Variants in MAN1A2 observed in about 807,000 individuals in gnomAD.
MAN1A2 encodes mannosyl-oligosaccharide 1,2-alpha-mannosidase IB.
A neutral mutation model predicts 75.7 loss-of-function variants in MAN1A2; 26 were observed. The observed-to-expected ratio is 0.34, with a 90% CI of 0.25 to 0.48. MAN1A2 has a LOEUF of 0.48. Among genes scored for constraint, MAN1A2 ranks in the 20% least tolerant of loss-of-function variants. The pLI is 0.99. For synonymous variants in MAN1A2, 247 were observed against 264.6 expected (o/e 0.93, Z 0.65); for missense variants, 562 against 775.5 (o/e 0.72, Z 3.27).
chr1:117,526,995 T>A lies in MAN1A2; in HGVS notation c.*4038T>A, dbSNP rs1652048956. On this transcript the variant is annotated 3_prime_UTR_variant, in exon 13 of 13. Transcript: ENST00000356554. The stretch of plus-strand genomic sequence containing the variant: ...CACAGATAATTTTTAATACTCTTTG[T>A]TAACAAACACAGTTGAAAACTGGTT... The A allele has an allele frequency of 6.7e-6, 1 of 149,510 alleles. No homozygotes were observed. The highest frequency in any genetic ancestry group is 1.5e-5 in the Non-Finnish European group (1 of 67,106). 9.3% of individuals were successfully genotyped at this position (149,510 alleles called of 1,614,324 possible).
intron 4 of MAN1A2, among the ~76,000 whole-genome samples, chr1:117,417,051 A>G (rs1281472803): frequency 1.3e-5 from 2 of 152,148 alleles, no homozygotes; most frequent in Non-Finnish European, 2.9e-5. Context: ...CCAGTCTTGT[A>G]TTGTCTTTTT....
intron 8 of MAN1A2, among the ~76,000 whole-genome samples, chr1:117,484,475 C>G (rs996502191): frequency 6.6e-6 from 1 of 151,928 alleles, no homozygotes; most frequent in Non-Finnish European, 1.5e-5. Flanking sequence ...TGAAGGTTTA[C>G]ACTACTGTGC....
intron 8 of MAN1A2, among the ~76,000 whole-genome samples, chr1:117,482,109 G>A (rs1362567107): frequency 2.0e-5 from 3 of 151,808 alleles, no homozygotes; most frequent in Non-Finnish European, 4.4e-5. Context: ...ATGTGCACAC[G>A]TGCAGGGTTT....
At chr1:117,461,804 G>C (rs2101836807) in intron 7 of MAN1A2, among the ~76,000 whole-genome samples, 1 of 152,126 alleles carries the variant, frequency 6.6e-6, no homozygotes, top group South Asian at 2.1e-4. Flanking sequence ...TCCCCAAATT[G>C]ATTTATAGCA....
At chr1:117,464,833 C>A (rs1328219805) in intron 7 of MAN1A2, among the ~76,000 whole-genome samples, 2 of 152,118 alleles carry the variant, frequency 1.3e-5, no homozygotes, top group African/African-American at 4.8e-5. Flanking sequence ...TATGTCTGGA[C>A]TCTTACCTGG....
chr1:117,395,713 T>C (rs958694258), intron 1 of MAN1A2, among the ~76,000 whole-genome samples: 10 of 152,214 alleles, frequency 6.6e-5, no homozygotes, highest in African/African-American at 2.4e-4. Flanking sequence ...AACTTGTAGA[T>C]ATAAAACTAG....
At chr1:117,371,332 A>G (rs1314155514) in intron 1 of MAN1A2, among the ~76,000 whole-genome samples, 5 of 152,320 alleles carry the variant, frequency 3.3e-5, no homozygotes, top group Admixed American at 1.3e-4. Context: ...CCCCGCTTTC[A>G]TGAAACTTTC....
chr1:117,386,674 C>T (rs1274972368), intron 1 of MAN1A2, among the ~76,000 whole-genome samples: 1 of 96,870 alleles, frequency 1.0e-5, no homozygotes, highest in Non-Finnish European at 2.1e-5. Context: ...TCCTTTCAAG[C>T]TCCAAAAATG....
chr1:117,397,658 T>A (rs1378392323), intron 1 of MAN1A2, among the ~76,000 whole-genome samples: 2 of 147,902 alleles, frequency 1.4e-5, no homozygotes. Context: ...TTTTTTTTTT[T>A]TTTTTTTTGG....
At chr1:117,439,646 AC>A (rs35030664) in intron 5 of MAN1A2, among the ~76,000 whole-genome samples, 2 of 151,804 alleles carry the variant, frequency 1.3e-5, no homozygotes, top group Non-Finnish European at 2.9e-5. Flanking sequence ...GGCGCGCACC[AC>A]CACACCTGGC....
At chr1:117,474,295 A>G (rs1650250019) in intron 8 of MAN1A2, among the ~76,000 whole-genome samples, 1 of 152,148 alleles carries the variant, frequency 6.6e-6, no homozygotes, top group African/African-American at 2.4e-5. Context: ...TACAGAGTCA[A>G]CTAAGCATTG....
At chr1:117,521,713 G>A (rs906165167) in intron 12 of MAN1A2, among the ~76,000 whole-genome samples, 2 of 151,872 alleles carry the variant, frequency 1.3e-5, no homozygotes, top group Non-Finnish European at 2.9e-5. Flanking sequence ...ATACAAAAAC[G>A]ATTCGTGCAC....
At chr1:117,466,505 A>G in intron 8 of MAN1A2, 78 bp downstream of exon 8, 1 of 927,432 alleles carries the variant, frequency 1.1e-6, no homozygotes. Flanking sequence ...TGTAAAAAGT[A>G]CACTACGTGG....
rs963317463 is a variant in MAN1A2 at position 117,528,169 on chromosome 1, A to G, written c.*5212A>G. 1 of 152,060 alleles carries G rather than the reference A, an allele frequency of 6.6e-6. No individual in the cohort carries two copies. The highest frequency in any genetic ancestry group is 2.4e-5 in the African/African-American group (1 of 41,416). 9.4% of individuals were successfully genotyped at this position (152,060 alleles called of 1,614,324 possible). A position where few individuals can be genotyped will look rare whatever the true frequency, so the allele number is the denominator to read the frequency against. On this transcript the variant is annotated 3_prime_UTR_variant, in exon 13 of 13. Transcript: ENST00000356554. ...TTGGTTTGAGCCTAGCAATTGCAGA[A>G]CTCATAAAATTGCTTGTGAAATTAC...
At chr1:117,479,390 A>G (rs750562829) in intron 8 of MAN1A2, among the ~76,000 whole-genome samples, 2 of 151,926 alleles carry the variant, frequency 1.3e-5, no homozygotes, top group Non-Finnish European at 2.9e-5. Context: ...TATTGTGAAT[A>G]GTGCTGCAGT....
At chr1:117,518,502 AT>A in intron 12 of MAN1A2, among the ~76,000 whole-genome samples, 1 of 152,010 alleles carries the variant, frequency 6.6e-6, no homozygotes, top group Non-Finnish European at 1.5e-5. Flanking sequence ...AGTGAAATTG[AT>A]TTAAAAAAAC....
In MAN1A2 at chr1:117,493,222, C is replaced by G. The variant is rs746617187; in HGVS notation, c.1244C>G (p.Thr415Arg). ...AAAGCATGGTTGATGTCAGATAAAA[C>G]AGACCATGAGGCAAGAAAGATGTAT... ...LLKAWLMSDK[T>R]DHEARKMYDD... Residue 415 changes from threonine (T) to arginine (R), a missense_variant, in exon 9 of 13, where the codon ACA (threonine) becomes AGA (arginine). Transcript: ENST00000356554. 45 of 1,612,014 alleles carry G rather than the reference C, an allele frequency of 2.8e-5. No individual in the cohort carries two copies. In the South Asian group the frequency reaches 4.8e-4, roughly 17 times the overall value.
intron 8 of MAN1A2, among the ~76,000 whole-genome samples, chr1:117,480,187 T>C (rs1409210008): frequency 6.6e-6 from 1 of 152,036 alleles, no homozygotes; most frequent in African/African-American, 2.4e-5. Flanking sequence ...TGCAGATCTC[T>C]GGGGTTCTCT....
rs115080975 is a variant in MAN1A2, at chr1:117,468,299, A to G, written c.1168+1872A>G. ...TTATCAAGAGAACAGCATGGGGGTA[A>G]CATCTTCCTGTACCCACTCTCCAGA... is the stretch of plus-strand genomic sequence containing the variant. On this transcript the variant is annotated intron_variant, in intron 8 of 12. Transcript: ENST00000356554. Among the ~76,000 whole-genome samples, 702 of 152,260 alleles carry G rather than the reference A, an allele frequency of 4.6e-3. 5 individuals are homozygous for G. Among genetic ancestry groups the G allele is most frequent in the African/African-American group, 0.016 (660 of 41,578 alleles).
Sources: allele counts gnomAD v4.1 joint callset (sites outside exome capture counted in the v4.1 genomes callset), GRCh38; gene constraint gnomAD v4.1.1; transcripts MANE v1.5; gene names NCBI Gene and HGNC (gene_info 2026-07-23, HGNC 2026-07-21).